The following MIA2 variants were observed in gnomAD, a reference collection of about 807,000 sequenced individuals.
MIA2 encodes MIA SH3 domain ER export factor 2.
Under a neutral mutation model 167.8 loss-of-function variants are expected in MIA2, and 127 were observed. The observed-to-expected ratio is 0.76, with a 90% CI of 0.66 to 0.88. The LOEUF (loss-of-function observed/expected upper bound fraction) is 0.88, where lower values mean the gene tolerates loss of function less well. Among genes scored for constraint, MIA2 ranks in the 40% least tolerant of loss-of-function variants. The pLI is 0.00. For missense variants in MIA2, 1,690 were observed against 1,624.7 expected, an observed-to-expected ratio of 1.04 and a Z score of -0.69; for synonymous variants, 552 against 541.9, an observed-to-expected ratio of 1.02 and a Z score of -0.26.
intron 24 of MIA2, among the ~76,000 whole-genome samples, chr14:39,323,343 G>A (rs539407761): frequency 1.3e-5 from 2 of 152,090 alleles, no homozygotes; most frequent in South Asian, 4.2e-4. Flanking sequence ...CCTATAGACT[G>A]ATACTTAGAG....
At chr14:39,343,545 G>C (rs2072511745) in intron 25 of MIA2, among the ~76,000 whole-genome samples, 1 of 152,126 alleles carries the variant, frequency 6.6e-6, no homozygotes, top group Non-Finnish European at 1.5e-5. Flanking sequence ...TTCTTAGTTT[G>C]CAAAACTGCT....
chr14:39,305,421 C>G (rs571301738), intron 17 of MIA2, among the ~76,000 whole-genome samples: 4 of 152,284 alleles, frequency 2.6e-5, no homozygotes, highest in East Asian at 3.9e-4. Context: ...AATACAGTTT[C>G]CTGGCAAATC....
chr14:39,245,809 C>A (rs2054276888), intron 3 of MIA2, among the ~76,000 whole-genome samples: 1 of 152,140 alleles, frequency 6.6e-6, no homozygotes, highest in Non-Finnish European at 1.5e-5. Context: ...CCCACCCATT[C>A]TGCCCTTATG....
At chr14:39,260,543 T>C (rs1183227247) in intron 6 of MIA2, among the ~76,000 whole-genome samples, 1 of 152,246 alleles carries the variant, frequency 6.6e-6, no homozygotes, top group South Asian at 2.1e-4. Flanking sequence ...TGCCCACTTT[T>C]TGATGAAATG....
downstream of MIA2, among the ~76,000 whole-genome samples, chr14:39,355,254 T>C (rs1369431270): frequency 6.6e-6 from 1 of 152,204 alleles, no homozygotes; most frequent in Non-Finnish European, 1.5e-5. Flanking sequence ...TTGTAGTTCT[T>C]CTTGAACAGG....
intron 23 of MIA2, among the ~76,000 whole-genome samples, chr14:39,361,703 C>T (rs560670098): frequency 6.6e-6 from 1 of 152,166 alleles, no homozygotes; most frequent in South Asian, 2.1e-4. Flanking sequence ...GCCTCCTAAA[C>T]TGCTGGGATT....
intron 6 of MIA2, among the ~76,000 whole-genome samples, chr14:39,256,010 C>T (rs555310646): frequency 1.8e-4 from 27 of 152,112 alleles, no homozygotes; most frequent in Non-Finnish European, 2.9e-4. Context: ...TTTGTATTGT[C>T]TAAGAAAATT....
intron 14 of MIA2, 109 bp downstream of exon 14, chr14:39,300,095 AAC>A: frequency 1.4e-6 from 2 of 1,400,938 alleles, no homozygotes; most frequent in Non-Finnish European, 1.9e-6. Context: ...ATATTTTCAT[AAC>A]ATATTTGGCC....
downstream of MIA2, among the ~76,000 whole-genome samples, chr14:39,353,889 T>G (rs2074456504): frequency 6.6e-6 from 1 of 152,214 alleles, no homozygotes; most frequent in Non-Finnish European, 1.5e-5. Context: ...ACAAAGGACG[T>G]GAACTCATGA....
In MIA2 at chr14:39,348,831, G is replaced by A. The variant is rs145443120; in HGVS notation, c.3926G>A (p.Gly1309Asp). 418 of 1,613,996 alleles carry A rather than the reference G, an allele frequency of 2.6e-4. 2 individuals carry two copies. Among genetic ancestry groups the A allele is most frequent in the South Asian group, 5.4e-4 (49 of 91,086 alleles). Residue 1309 changes from glycine to aspartate, a missense_variant, in exon 28 of 29, where the codon GGT becomes GAT. Coordinates refer to ENST00000640607, the MANE Select transcript of MIA2 (RefSeq NM_001329214.4). ...CCTCCACCTCTTGCTCCAATCAGAG[G>A]TCCATTGTTTCCAGTGGATGCAAGA... ...FVPPPLAPIR[G>D]PLFPVDARGP... is the part of the protein sequence containing the mutation.
intron 23 of MIA2, among the ~76,000 whole-genome samples, chr14:39,364,036 T>A (rs1013239574): frequency 2.0e-5 from 3 of 152,170 alleles, no homozygotes; most frequent in African/African-American, 4.8e-5. Context: ...ATTGTTCATA[T>A]GTGGTGAACT....
At chr14:39,263,933 CCCTT>C (rs1304826212) in intron 6 of MIA2, among the ~76,000 whole-genome samples, 2 of 152,120 alleles carry the variant, frequency 1.3e-5, no homozygotes, top group African/African-American at 4.8e-5. Flanking sequence ...CCACGCCCAG[CCCTT>C]CCTTTCTTTC....
Position 39,307,390 on chromosome 14 carries a change from A to ATTTTTT in MIA2, c.2879-1036_2879-1031dup, listed in dbSNP as rs373046158. On this transcript the variant is annotated intron_variant, in intron 17 of 28. Coordinates refer to ENST00000640607, the MANE Select transcript of MIA2 (RefSeq NM_001329214.4). ...ATAAATAATAACAAAAGTTAAAAGA[A>ATTTTTT]TTTTTTTTTTTTTTTTTTTTTTTTT... Among the ~76,000 whole-genome samples, 400 of 67,504 alleles carry ATTTTTT rather than the reference A, an allele frequency of 5.9e-3. 16 individuals are homozygous for ATTTTTT. Among genetic ancestry groups the ATTTTTT allele is most frequent in the African/African-American group, 0.018 (374 of 20,462 alleles). 44.3% of individuals were successfully genotyped at this position (67,504 alleles called of 152,430 possible). A position where few individuals can be genotyped will look rare whatever the true frequency, so the allele number is the denominator to read the frequency against.
rs1566747305 is a variant in MIA2, at chr14:39,288,454, TATA to T, written c.2131-2564_2131-2562del. Among the ~76,000 whole-genome samples, 99 of 13,890 alleles carry T rather than the reference TATA, an allele frequency of 7.1e-3. 11 individuals carry two copies. Among genetic ancestry groups the T allele is most frequent in the African/African-American group, 0.011 (62 of 5,608 alleles). The allele number at this position is 13,890 out of a possible 152,430, so 9.1% of individuals were successfully genotyped here. Reference sequence around the variant, plus strand: ...ATACATATATATATATATATATATATATATATATATATATATATATATTTTTTT... The same window carrying T: ...ATACATATATATATATATATATATATTATATATATATATATATATTTTTTT... On this transcript the variant is annotated intron_variant, in intron 9 of 28. Transcript: ENST00000640607.
At chr14:39,378,182 T>C (rs189661047) in intron 23 of MIA2, among the ~76,000 whole-genome samples, 6 of 152,258 alleles carry the variant, frequency 3.9e-5, no homozygotes, top group Admixed American at 2.0e-4. Context: ...GAGTATATGT[T>C]ACTGAATTGT....
intron 23 of MIA2, among the ~76,000 whole-genome samples, chr14:39,365,732 G>C (rs2074809156): frequency 1.3e-5 from 2 of 151,268 alleles, no homozygotes; most frequent in Admixed American, 6.6e-5. Context: ...TTGCTTTTCT[G>C]ATTTCTTTGT....
At chr14:39,282,568 C>G (rs1314699420) in intron 9 of MIA2, among the ~76,000 whole-genome samples, 1 of 151,848 alleles carries the variant, frequency 6.6e-6, no homozygotes, top group Admixed American at 6.6e-5. Context: ...CTTGTTCATC[C>G]CATATATTTT....
intron 18 of MIA2, 99 bp downstream of exon 18, chr14:39,308,686 T>G: frequency 3.0e-6 from 3 of 986,798 alleles, no homozygotes; most frequent in Non-Finnish European, 4.4e-6. Flanking sequence ...AGTTCTCAAT[T>G]TATGATTAGA....
At chr14:39,288,454 T>TTTTTTTTTTTTTTTTG (rs2060160944) in intron 9 of MIA2, among the ~76,000 whole-genome samples, 1 of 13,906 alleles carries the variant, frequency 7.2e-5, no homozygotes, top group African/African-American at 1.8e-4. Flanking sequence ...TATATATATA[T>TTTTTTTTTTTTTTTTG]ATATATATAT....
Sources: allele counts gnomAD v4.1 joint callset (sites outside exome capture counted in the v4.1 genomes callset), GRCh38; gene constraint gnomAD v4.1.1; transcripts MANE v1.5; gene names NCBI Gene and HGNC (gene_info 2026-07-23, HGNC 2026-07-21).